CPNE4: variants seen among roughly 807,000 people sequenced by gnomAD.
CPNE4 encodes copine-4.
In CPNE4, 25 loss-of-function variants were observed where a neutral mutation model predicts 67.9. That is an observed-to-expected ratio of 0.37 (90% CI 0.27 to 0.51). The LOEUF is 0.51. CPNE4 is among the 20% of genes least tolerant of loss of function. The pLI, the probability that CPNE4 is intolerant of heterozygous loss-of-function variation, is 0.93. For missense variants in CPNE4, 464 were observed against 690.8 expected (o/e 0.67, Z 3.68); for synonymous variants, 242 against 244.9 (o/e 0.99, Z 0.11).
intron 7 of CPNE4, among the ~76,000 whole-genome samples, chr3:131,590,945 C>T (rs985230338): frequency 2.0e-5 from 3 of 152,112 alleles, no homozygotes; most frequent in Non-Finnish European, 2.9e-5. Flanking sequence ...TGAAGTTCTA[C>T]CTCATTTTTC....
intron 2 of CPNE4, among the ~76,000 whole-genome samples, chr3:131,792,374 G>T (rs2083750144): frequency 6.6e-6 from 1 of 151,698 alleles, no homozygotes; most frequent in African/African-American, 2.4e-5. Context: ...CCCAAAAAGT[G>T]CTTACTTGCC....
intron 2 of CPNE4, among the ~76,000 whole-genome samples, chr3:131,857,654 T>A (rs1220058125): frequency 6.6e-6 from 1 of 152,052 alleles, no homozygotes; most frequent in African/African-American, 2.4e-5. Context: ...GGCTCCAGGA[T>A]GGGATGTTCT....
At chr3:131,821,407 A>G (rs1452847210) in intron 2 of CPNE4, among the ~76,000 whole-genome samples, 1 of 152,196 alleles carries the variant, frequency 6.6e-6, no homozygotes, top group Non-Finnish European at 1.5e-5. Context: ...CAATCTCCCT[A>G]TTGTGAGAAT....
In CPNE4 at chr3:131,683,496, A is replaced by C. The variant is rs541933895; in HGVS notation, c.591+2379T>G. On this transcript the variant is annotated intron_variant, in intron 6 of 15. Coordinates refer to ENST00000429747, the MANE Select transcript of CPNE4 (RefSeq NM_130808.3). ...TCTATTGTGGCTGAGATGGTATCCA[A>C]GTTGCAAGACAAAGTTATATTTATG... Among the ~76,000 whole-genome samples, 118 of 152,242 alleles carry C rather than the reference A, an allele frequency of 7.8e-4. No individual in the cohort carries two copies. The Middle Eastern group carries it at 0.01, about 13-fold the overall frequency.
chr3:131,604,040 C>T (rs1306190279), intron 7 of CPNE4, among the ~76,000 whole-genome samples: 1 of 152,048 alleles, frequency 6.6e-6, no homozygotes, highest in Admixed American at 6.6e-5. Context: ...CACACTTGAT[C>T]AACTTTGGAA....
intron 1 of CPNE4, among the ~76,000 whole-genome samples, chr3:131,980,123 T>G (rs1168481306): frequency 6.6e-6 from 1 of 152,156 alleles, no homozygotes; most frequent in East Asian, 1.9e-4. Flanking sequence ...TCACAGCTCT[T>G]AAAATTCTTT....
intron 7 of CPNE4, among the ~76,000 whole-genome samples, chr3:131,649,236 C>G (rs1050015460): frequency 6.6e-6 from 1 of 152,206 alleles, no homozygotes; most frequent in African/African-American, 2.4e-5. Context: ...ACTTTATAGT[C>G]AGGTAACTTT....
intron 6 of CPNE4, among the ~76,000 whole-genome samples, chr3:131,684,931 G>A (rs1272282832): frequency 2.6e-5 from 4 of 152,144 alleles, no homozygotes; most frequent in Non-Finnish European, 5.9e-5. Context: ...AGAAAGAAGA[G>A]GAAGAGTGAG....
intron 2 of CPNE4, among the ~76,000 whole-genome samples, chr3:131,797,757 C>T (rs945031629): frequency 6.6e-6 from 1 of 152,150 alleles, no homozygotes; most frequent in Non-Finnish European, 1.5e-5. Flanking sequence ...TCAGATATAA[C>T]ACATCGATGC....
chr3:131,880,851 G>A (rs1583395078), intron 2 of CPNE4, among the ~76,000 whole-genome samples: 1 of 152,210 alleles, frequency 6.6e-6, no homozygotes, highest in South Asian at 2.1e-4. Context: ...CACAAGATGC[G>A]TTATAATAGA....
intron 2 of CPNE4, among the ~76,000 whole-genome samples, chr3:131,826,868 C>T (rs1015994030): frequency 6.6e-6 from 1 of 151,978 alleles, no homozygotes; most frequent in East Asian, 1.9e-4. Flanking sequence ...CCCATTTCTA[C>T]TAAAAATAAT....
intron 2 of CPNE4, among the ~76,000 whole-genome samples, chr3:131,727,600 TA>T (rs2082030395): frequency 6.6e-6 from 1 of 152,216 alleles, no homozygotes; most frequent in Non-Finnish European, 1.5e-5. Context: ...TTGCATATAA[TA>T]AACCACATCT....
At chr3:131,675,180 A>G (rs2080525401) in intron 6 of CPNE4, among the ~76,000 whole-genome samples, 1 of 152,074 alleles carries the variant, frequency 6.6e-6, no homozygotes, top group Non-Finnish European at 1.5e-5. Flanking sequence ...ATGATACTTG[A>G]TATTATTTCA....
At chr3:131,854,543 T>G (rs1016868419) in intron 2 of CPNE4, among the ~76,000 whole-genome samples, 4 of 151,908 alleles carry the variant, frequency 2.6e-5, no homozygotes, top group African/African-American at 9.7e-5. Flanking sequence ...TTACTTCAAT[T>G]TTTTAAAAAA....
intron 10 of CPNE4, among the ~76,000 whole-genome samples, chr3:131,565,698 C>T (rs748029073): frequency 4.0e-5 from 6 of 151,268 alleles, no homozygotes; most frequent in Non-Finnish European, 7.4e-5. Context: ...TCTTTTTCTT[C>T]CTTGCCTCTC....
intron 1 of CPNE4, among the ~76,000 whole-genome samples, chr3:131,978,270 T>TTTATATATATTTATATATATA (rs2072757448): frequency 8.2e-3 from 3 of 368 alleles, no homozygotes; most frequent in South Asian, 0.1. Context: ...TTTATATATA[T>TTTATATATATTTATATATATA]TTTATATATA....
At chr3:131,682,957 C>T (rs139008467) in intron 6 of CPNE4, among the ~76,000 whole-genome samples, 4 of 152,222 alleles carry the variant, frequency 2.6e-5, no homozygotes, top group African/African-American at 4.8e-5. Context: ...CTACCACCAA[C>T]GTTCACTCAG....
rs139410938 is a variant in CPNE4, at chr3:131,552,428, G to A, written c.1168+12C>T. The stretch of plus-strand genomic sequence containing the variant: ...GACTGTGACACTGGCTTTCTTTCAC[G>A]TTGTGCTTTACCTGCACATTCTGGG... On this transcript the variant is annotated intron_variant, in intron 13 of 15. Coordinates refer to ENST00000429747, the MANE Select transcript of CPNE4 (RefSeq NM_130808.3). The A allele has an allele frequency of 7.7e-5, 124 of 1,610,440 alleles. No homozygotes were observed. In the African/African-American group the frequency reaches 1.2e-3, roughly 16 times the overall value.
chr3:131,582,862 C>T (rs1165728245), intron 8 of CPNE4, among the ~76,000 whole-genome samples: 1 of 152,182 alleles, frequency 6.6e-6, no homozygotes, highest in Non-Finnish European at 1.5e-5. Context: ...TCTGTTGGCA[C>T]CACGTGGAGC....
Sources: allele counts gnomAD v4.1 joint callset (sites outside exome capture counted in the v4.1 genomes callset), GRCh38; gene constraint gnomAD v4.1.1; transcripts MANE v1.5; gene names NCBI Gene and HGNC (gene_info 2026-07-23, HGNC 2026-07-21).